The following ZNF75D variants were observed in gnomAD, a reference collection of about 807,000 sequenced individuals.
ZNF75D encodes the protein zinc finger protein 75.
Under a neutral mutation model 33.3 loss-of-function variants are expected in ZNF75D, and 33 were observed. The observed-to-expected ratio is 0.99, with a 90% CI of 0.75 to 1.32. The LOEUF (loss-of-function observed/expected upper bound fraction) is 1.32. ZNF75D is among the 40% of genes most tolerant of loss of function. The pLI, the probability that ZNF75D is intolerant of heterozygous loss-of-function variation, is 0.00. For synonymous variants in ZNF75D, 113 were observed against 130.6 expected (o/e 0.87, Z 0.92); for missense variants, 338 against 367.5 (o/e 0.92, Z 0.66).
At chrX:135,274,679 G>T (rs1556417376) in intron 1 of ZNF75D, among the ~76,000 whole-genome samples, 1 of 112,171 alleles carries the variant, frequency 8.9e-6, no homozygotes, top group Non-Finnish European at 1.9e-5. Flanking sequence ...AAGTAATCTA[G>T]ATAAACTGTT....
chrX:135,306,288 TACACACACACACAC>T (rs57049630), intron 1 of ZNF75D, among the ~76,000 whole-genome samples: 30 of 83,234 alleles, frequency 3.6e-4, no homozygotes, highest in Non-Finnish European at 6.2e-4. Context: ...CAGAGATACA[TACACACACACACAC>T]ACACACACAC....
At chrX:135,278,969 C>T (rs1349995527) in intron 1 of ZNF75D, among the ~76,000 whole-genome samples, 1 of 111,014 alleles carries the variant, frequency 9.0e-6, no homozygotes, top group African/African-American at 3.3e-5. Flanking sequence ...GTGTGTGTGT[C>T]TCAGGTTTTG....
At chrX:135,320,157 G>GTGGCA (rs1365558482) in intron 1 of ZNF75D, among the ~76,000 whole-genome samples, 1 of 110,481 alleles carries the variant, frequency 9.1e-6, no homozygotes, top group Non-Finnish European at 1.9e-5. Context: ...GCTGGGCATG[G>GTGGCA]TGGCATGCAC....
At chrX:135,311,624 T>C (rs1417274918) in intron 1 of ZNF75D, among the ~76,000 whole-genome samples, 9 of 112,202 alleles carry the variant, frequency 8.0e-5, no homozygotes, top group Non-Finnish European at 1.9e-5. Context: ...GTAGTTAACA[T>C]GTTTAACAAC....
chrX:135,287,077 G>T lies in ZNF75D; in HGVS notation c.*60C>A. Reference sequence around the variant, plus strand: ...TAATCACAGATTCCTATCATTGGGTGCCTCATAATTTTGTATTCTTTCACC... The same window carrying T: ...TAATCACAGATTCCTATCATTGGGTTCCTCATAATTTTGTATTCTTTCACC... On this transcript the variant is annotated 3_prime_UTR_variant, in exon 7 of 7. Coordinates refer to ENST00000370766, the MANE Select transcript of ZNF75D (RefSeq NM_007131.5). 1.1e-6 allele frequency: 1 copy of T among 914,813 alleles called. No homozygotes were observed. The highest frequency in any genetic ancestry group is 1.5e-6 in the Non-Finnish European group (1 of 645,865). The allele number at this position is 914,813 out of a possible 1,213,427, so 75.4% of individuals were successfully genotyped here. A position where few individuals can be genotyped will look rare whatever the true frequency, so the allele number is the denominator to read the frequency against.
rs145389818 is a variant in ZNF75D at position 135,333,661 on chromosome X, T to G, written c.-391+8107A>C. 7.6e-4 allele frequency among the ~76,000 whole-genome samples: 85 copies of G among 111,471 alleles called. No homozygotes were observed. The East Asian group carries it at 0.024, about 31-fold the overall frequency. On this transcript the variant is annotated intron_variant, in intron 1 of 6. Coordinates refer to ENST00000370766, the MANE Select transcript of ZNF75D (RefSeq NM_007131.5). ...TTGTAACCTTAAGGCTGATGAGACA[T>G]TTTCCTACACAATATCATGGGATGG...
At chrX:135,258,552 G>T (rs1409366467) in intron 1 of ZNF75D, among the ~76,000 whole-genome samples, 3 of 111,489 alleles carry the variant, frequency 2.7e-5, no homozygotes, top group East Asian at 2.8e-4. Context: ...CCAATGATGA[G>T]GAGCTTTTTT....
downstream of ZNF75D, among the ~76,000 whole-genome samples, chrX:135,282,092 C>A (rs1243707322): frequency 1.8e-5 from 2 of 112,325 alleles, no homozygotes; most frequent in African/African-American, 6.5e-5. Context: ...GTGCCCACAG[C>A]CACCTCTTCC....
chrX:135,300,696 G>A (rs1157277296), intron 1 of ZNF75D, among the ~76,000 whole-genome samples: 20 of 103,993 alleles, frequency 1.9e-4, no homozygotes, highest in Non-Finnish European at 5.9e-5. Context: ...GCAGTGAGCC[G>A]AGATTGCACC....
Position 135,315,019 on chromosome X carries a change from T to C in ZNF75D, c.-390-18980A>G, listed in dbSNP as rs183507816. On this transcript the variant is annotated intron_variant, in intron 1 of 6. Coordinates refer to ENST00000370766, the MANE Select transcript of ZNF75D (RefSeq NM_007131.5). Reference sequence around the variant, plus strand: ...TTTGGGTCTGTTCTTAATTTGATAGTTCCTTGAGGTGCATTGTTTGATAAT... The same window carrying C: ...TTTGGGTCTGTTCTTAATTTGATAGCTCCTTGAGGTGCATTGTTTGATAAT... 1.1e-4 allele frequency among the ~76,000 whole-genome samples: 12 copies of C among 112,332 alleles called. No homozygotes were observed. In the East Asian group the frequency reaches 3.3e-3, roughly 31 times the overall value.
intron 1 of ZNF75D, among the ~76,000 whole-genome samples, chrX:135,337,483 T>C (rs1398486827): frequency 8.9e-6 from 1 of 112,240 alleles, no homozygotes; most frequent in Non-Finnish European, 1.9e-5. Context: ...TTTTACTTTT[T>C]AAAATATTTG....
chrX:135,306,633 G>A (rs1246753030), intron 1 of ZNF75D, among the ~76,000 whole-genome samples: 1 of 111,778 alleles, frequency 8.9e-6, no homozygotes, highest in Non-Finnish European at 1.9e-5. Flanking sequence ...TGGATTTACT[G>A]ATTTATTTAG....
rs146108980 is a variant in ZNF75D at position 135,249,372 on chromosome X, C to T, written n.1297-71G>A. On this transcript the variant is annotated intron_variant and non_coding_transcript_variant, in intron 3 of 3. Transcript: ENST00000494295. Reference sequence around the variant, plus strand: ...AAGTAGCCCCAGAAGCCTCTCTGCACTTCTCCTCCCTAACACACATGCGTG... The same window carrying T: ...AAGTAGCCCCAGAAGCCTCTCTGCATTTCTCCTCCCTAACACACATGCGTG... 3.2e-3 allele frequency: 797 copies of T among 247,234 alleles called. 24 individuals carry two copies. The highest frequency in any genetic ancestry group is 0.024 in the Middle Eastern group (16 of 675). 20.4% of individuals were successfully genotyped at this position (247,234 alleles called of 1,213,427 possible).
At chrX:135,309,135 G>T (rs1187953465) in intron 1 of ZNF75D, among the ~76,000 whole-genome samples, 1 of 111,800 alleles carries the variant, frequency 8.9e-6, no homozygotes, top group African/African-American at 3.3e-5. Flanking sequence ...ATAGAATTGA[G>T]TTAAAATTAA....
downstream of ZNF75D, among the ~76,000 whole-genome samples, chrX:135,282,892 T>G (rs1053489029): frequency 1.8e-5 from 2 of 113,103 alleles, no homozygotes; most frequent in Non-Finnish European, 3.7e-5. Flanking sequence ...ACCTTCTGCA[T>G]TGATCTCACT....
At position 135,309,800 on chromosome X, in the gene ZNF75D, T is replaced by A. The variant is rs1040520005; in HGVS notation, c.-390-13761A>T. The A allele has an allele frequency of 1.8e-5, 5 of 281,457 alleles. No homozygotes were observed. In the East Asian group the frequency reaches 2.5e-4, roughly 14 times the overall value. The allele number at this position is 281,457 out of a possible 1,213,427, so 23.2% of individuals were successfully genotyped here. On this transcript the variant is annotated intron_variant, in intron 1 of 6. Transcript: ENST00000370766. ...TGAGCCATTAAAACAGAGTCTGTCA[T>A]TTCACTCCTTTGGGTTGGATGTGTG...
chrX:135,283,580 C>A (rs782144005), downstream of ZNF75D, among the ~76,000 whole-genome samples: 4 of 111,776 alleles, frequency 3.6e-5, no homozygotes, highest in Admixed American at 1.9e-4. Context: ...CCCAACTCTG[C>A]CTTTCCACTC....
At chrX:135,331,653 C>T (rs943576139) in intron 1 of ZNF75D, among the ~76,000 whole-genome samples, 47 of 111,396 alleles carry the variant, frequency 4.2e-4, no homozygotes, top group Non-Finnish European at 4.7e-4. Flanking sequence ...GCAAAATAAG[C>T]CTGCAAGCAG....
intron 1 of ZNF75D, among the ~76,000 whole-genome samples, chrX:135,264,048 C>T (rs1372781106): frequency 8.9e-6 from 1 of 111,852 alleles, no homozygotes; most frequent in African/African-American, 3.3e-5. Flanking sequence ...TTCATTTTCA[C>T]ACTGCTATAA....
Sources: allele counts gnomAD v4.1 joint callset (sites outside exome capture counted in the v4.1 genomes callset), GRCh38; gene constraint gnomAD v4.1.1; transcripts MANE v1.5; gene names NCBI Gene and HGNC (gene_info 2026-07-23, HGNC 2026-07-21).